Variants in PTPRN2 observed in about 807,000 individuals in gnomAD.
PTPRN2 encodes the protein protein tyrosine phosphatase receptor type N2, also known as receptor-type tyrosine-protein phosphatase N2.
A neutral mutation model predicts 118.8 loss-of-function variants in PTPRN2; 74 were observed. The ratio of observed to expected loss-of-function variants is 0.62; its 90% CI spans 0.52 to 0.76. The LOEUF is 0.76. Among genes scored for constraint, PTPRN2 ranks in the 30% least tolerant of loss-of-function variants. The pLI is 0.00. For missense variants in PTPRN2, 1,481 were observed against 1,394.4 expected (o/e 1.06, Z -0.99); for synonymous variants, 641 against 608.0 (o/e 1.05, Z -0.80).
intron 12 of PTPRN2, among the ~76,000 whole-genome samples, chr7:157,693,390 GCGCCCTAGGGTCTGGCTGCGC>G (rs1490097353): frequency 6.6e-6 from 1 of 152,118 alleles, no homozygotes; most frequent in African/African-American, 2.4e-5. Flanking sequence ...GGTGCTGGGA[GCGCCCTAGGGTCTGGCTGCGC>G]CGCGCTGGCG....
chr7:157,598,468 G>A lies in PTPRN2; in HGVS notation c.2419-3153C>T, dbSNP rs1801478118. On this transcript the variant is annotated intron_variant, in intron 16 of 22. Coordinates refer to ENST00000389418, the MANE Select transcript of PTPRN2 (RefSeq NM_002847.5). The surrounding 1 kb of genome is among the most constrained non-coding windows in gnomAD (Gnocchi z 5.2). ...CAGTCTCCATATCTGTATGGTGGGT[G>A]AGCTCAGGGAGTGAGGAGCTTGGAC... Among the ~76,000 whole-genome samples the A allele has an allele frequency of 2.0e-5, 3 of 147,766 alleles. No homozygotes were observed.
intron 12 of PTPRN2, among the ~76,000 whole-genome samples, chr7:157,799,766 C>A (rs1805112557): frequency 1.3e-5 from 2 of 148,826 alleles, no homozygotes; most frequent in Admixed American, 6.7e-5. Context: ...CCGAGCCGGC[C>A]CCCTCCATCC....
At chr7:158,541,683 A>C in intron 1 of PTPRN2, 1 of 1,302,142 alleles carries the variant, frequency 7.7e-7, no homozygotes, top group Non-Finnish European at 1.0e-6. Context: ...TAATCTGTTG[A>C]AGACTTAGCT....
At chr7:158,562,038 T>C (rs1827423226) in intron 1 of PTPRN2, among the ~76,000 whole-genome samples, 1 of 152,208 alleles carries the variant, frequency 6.6e-6, no homozygotes. Flanking sequence ...CACATGTCTT[T>C]TGAGATCTCA....
At chr7:158,420,409 G>A (rs1164926694) in intron 2 of PTPRN2, among the ~76,000 whole-genome samples, 1 of 152,146 alleles carries the variant, frequency 6.6e-6, no homozygotes, top group Non-Finnish European at 1.5e-5. Context: ...TAGAATCTTG[G>A]CTTTGTCTTT....
intron 2 of PTPRN2, among the ~76,000 whole-genome samples, chr7:158,377,645 G>C (rs1256989589): frequency 6.6e-6 from 1 of 152,148 alleles, no homozygotes; most frequent in African/African-American, 2.4e-5. Context: ...GACCCAAGAG[G>C]AATGAAAATG....
intron 2 of PTPRN2, among the ~76,000 whole-genome samples, chr7:158,408,745 G>A (rs1457284741): frequency 6.6e-6 from 1 of 152,192 alleles, no homozygotes; most frequent in South Asian, 2.1e-4. Flanking sequence ...AACTAAGCCA[G>A]TGGGGTAGGA....
intron 11 of PTPRN2, among the ~76,000 whole-genome samples, chr7:158,053,166 T>C (rs1809466977): frequency 6.6e-6 from 1 of 152,226 alleles, no homozygotes; most frequent in Non-Finnish European, 1.5e-5. Flanking sequence ...GGAATTTTTA[T>C]GGCTGGGGAG....
intron 9 of PTPRN2, among the ~76,000 whole-genome samples, chr7:158,128,397 C>T (rs953328817): frequency 6.6e-6 from 1 of 151,928 alleles, no homozygotes; most frequent in African/African-American, 2.4e-5. Context: ...AGAAGTCAGC[C>T]AAGATAACAT....
rs898457048 is a variant in PTPRN2 at position 158,047,880 on chromosome 7, T to A, written c.1723+33418A>T. The stretch of plus-strand genomic sequence containing the variant: ...CTCAAGTGAGTCAGCAACCCACCAA[T>A]GTGGCATTACAGGAGGATGAACAGG... On this transcript the variant is annotated intron_variant, in intron 11 of 22. Transcript: ENST00000389418. Among the ~76,000 whole-genome samples the A allele has an allele frequency of 3.9e-5, 6 of 152,112 alleles. No individual in the cohort carries two copies. In the East Asian group the frequency reaches 1.2e-3, roughly 29 times the overall value.
chr7:158,336,318 CATAAGAGGTGA>C (rs1805514110), intron 2 of PTPRN2, among the ~76,000 whole-genome samples: 5 of 144,304 alleles, frequency 3.5e-5, no homozygotes, highest in African/African-American at 5.2e-5. Context: ...ACACTCTCAC[CATAAGAGGTGA>C]CACCTGCAGA....
chr7:158,488,168 A>C (rs963834856), intron 2 of PTPRN2, among the ~76,000 whole-genome samples: 2 of 152,144 alleles, frequency 1.3e-5, no homozygotes, highest in African/African-American at 4.8e-5. Flanking sequence ...TATCATCAAA[A>C]GCTGTTGAGT....
At chr7:157,786,681 C>A (rs144806050) in intron 12 of PTPRN2, among the ~76,000 whole-genome samples, 255 of 152,358 alleles carry the variant, frequency 1.7e-3, no homozygotes, top group African/African-American at 5.7e-3. Context: ...CACATCCGTG[C>A]AGAAAGCACC....
intron 3 of PTPRN2, among the ~76,000 whole-genome samples, chr7:158,267,756 A>T (rs76360100): frequency 6.6e-6 from 1 of 152,136 alleles, no homozygotes; most frequent in Non-Finnish European, 1.5e-5. Flanking sequence ...TGCTGTGTAC[A>T]AACCAAGGGC....
rs1798910434 is a variant in PTPRN2, at chr7:157,716,371, G to C, written c.1789-33434C>G. Among the ~76,000 whole-genome samples the C allele has an allele frequency of 1.8e-5, 2 of 109,824 alleles. 1 individual carries two copies. Among genetic ancestry groups the C allele is most frequent in the African/African-American group, 8.7e-5 (2 of 23,058 alleles). 72.0% of individuals were successfully genotyped at this position (109,824 alleles called of 152,430 possible). A position where few individuals can be genotyped will look rare whatever the true frequency, so the allele number is the denominator to read the frequency against. On this transcript the variant is annotated intron_variant, in intron 12 of 22. Transcript: ENST00000389418. Reference sequence around the variant, plus strand: ...TGCAGGAACACTGCCTGGTCACACAGACTCTGCAGGAACACTGCCTGGCCA... The same window carrying C: ...TGCAGGAACACTGCCTGGTCACACACACTCTGCAGGAACACTGCCTGGCCA...
chr7:158,209,786 TA>T (rs1249550947), intron 3 of PTPRN2, among the ~76,000 whole-genome samples: 1 of 152,192 alleles, frequency 6.6e-6, no homozygotes, highest in East Asian at 1.9e-4. Flanking sequence ...GAATAGCCCA[TA>T]CATTATGGCA....
At chr7:158,255,031 C>G (rs987115837) in intron 3 of PTPRN2, among the ~76,000 whole-genome samples, 1 of 152,202 alleles carries the variant, frequency 6.6e-6, no homozygotes, top group Non-Finnish European at 1.5e-5. Context: ...GACATCCCTT[C>G]CCTGCTCACC....
chr7:157,571,030 A>T (rs1009647796), intron 20 of PTPRN2, among the ~76,000 whole-genome samples: 2 of 152,126 alleles, frequency 1.3e-5, no homozygotes, highest in African/African-American at 4.8e-5. Context: ...GGATCATTTG[A>T]GGTCAGGAGT....
At chr7:157,544,122 G>A (rs564874819) in intron 22 of PTPRN2, among the ~76,000 whole-genome samples, 1 of 150,904 alleles carries the variant, frequency 6.6e-6, no homozygotes, top group Non-Finnish European at 1.5e-5. Context: ...GAGAGAGATG[G>A]AGAGAGGCGG....
Sources: gnomAD v4.1 joint callset for allele counts (sites outside exome capture counted in the v4.1 genomes callset) on GRCh38, gnomAD v4.1.1 for gene constraint, Gnocchi (gnomAD v3.1) non-coding constraint, MANE v1.5 for transcripts, NCBI Gene and HGNC (gene_info 2026-07-23, HGNC 2026-07-21) for gene names.